Variants in PHF21B observed in about 807,000 individuals in gnomAD.
PHF21B encodes the protein PHD finger protein 21B.
A neutral mutation model predicts 62.2 loss-of-function variants in PHF21B; 22 were observed. The observed-to-expected ratio is 0.35, with a 90% CI of 0.25 to 0.51. PHF21B has a LOEUF of 0.51. Ranked by LOEUF, PHF21B falls within the 20% of genes least tolerant of loss-of-function variation. PHF21B has a pLI of 0.97. For missense variants in PHF21B, 701 were observed against 707.9 expected (o/e 0.99, Z 0.11); for synonymous variants, 341 against 314.7 (o/e 1.08, Z -0.88).
chr22:44,951,538 C>T (rs2072194271), intron 2 of PHF21B, among the ~76,000 whole-genome samples: 1 of 152,238 alleles, frequency 6.6e-6, no homozygotes, highest in Non-Finnish European at 1.5e-5. Flanking sequence ...AAAGGGATCA[C>T]ACAGTTTGCA....
intron 2 of PHF21B, among the ~76,000 whole-genome samples, chr22:44,998,492 C>T (rs1027282891): frequency 2.0e-5 from 3 of 152,170 alleles, no homozygotes; most frequent in Non-Finnish European, 4.4e-5. Flanking sequence ...GCCTCAGTTT[C>T]CCTCGGGTAA....
chr22:44,960,854 C>G (rs1394769922), intron 2 of PHF21B, among the ~76,000 whole-genome samples: 1 of 151,904 alleles, frequency 6.6e-6, no homozygotes, highest in Non-Finnish European at 1.5e-5. Flanking sequence ...CTCCAGCCTC[C>G]TTTTGGACTG....
chr22:44,975,045 A>G (rs1475562471), intron 2 of PHF21B, among the ~76,000 whole-genome samples: 16 of 152,160 alleles, frequency 1.1e-4, no homozygotes. Flanking sequence ...ATGGAGCCAC[A>G]GCCTGTCCTG....
intron 4 of PHF21B, among the ~76,000 whole-genome samples, chr22:44,915,626 A>G (rs963529165): frequency 6.6e-6 from 1 of 152,226 alleles, no homozygotes; most frequent in Non-Finnish European, 1.5e-5. Context: ...TCGGCCGTCA[A>G]CATCCAGGCT....
intron 12 of PHF21B, among the ~76,000 whole-genome samples, chr22:44,883,852 A>G (rs2070780869): frequency 6.6e-6 from 1 of 152,098 alleles, no homozygotes; most frequent in Non-Finnish European, 1.5e-5. Context: ...GACAATCACA[A>G]AGCCTCTTCA....
intron 2 of PHF21B, among the ~76,000 whole-genome samples, chr22:44,995,245 C>A (rs1861342450): frequency 1.3e-5 from 2 of 152,162 alleles, no homozygotes; most frequent in Non-Finnish European, 1.5e-5. Flanking sequence ...ACACTTTCAA[C>A]CAAGCTGCCA....
chr22:44,971,292 A>G (rs2072632653), intron 2 of PHF21B: 1 of 152,036 alleles, frequency 6.6e-6, no homozygotes, highest in Non-Finnish European at 1.5e-5. Flanking sequence ...CTCACCTGAC[A>G]AGGTATCTTT....
At position 44,958,243 on chromosome 22, in the gene PHF21B, T is replaced by C. The variant is rs149137358; in HGVS notation, c.121-37753A>G. ...TTGAGTGCACGACTCTGCTGGCTTC[T>C]GGCATCCGGGCCTGCTGCCTCCCTG... On this transcript the variant is annotated intron_variant, in intron 2 of 12. Transcript: ENST00000313237. Among the ~76,000 whole-genome samples the C allele has an allele frequency of 3.6e-3, 545 of 152,118 alleles. 3 individuals carry two copies. The highest frequency in any genetic ancestry group is 0.013 in the African/African-American group (527 of 41,490).
intron 2 of PHF21B, among the ~76,000 whole-genome samples, chr22:44,972,655 C>T (rs1344169178): frequency 6.6e-6 from 1 of 152,220 alleles, no homozygotes; most frequent in Non-Finnish European, 1.5e-5. Flanking sequence ...CAGAAGCGGA[C>T]ATCGTGTGGG....
At chr22:44,907,992 C>T (rs898124315) in intron 5 of PHF21B, among the ~76,000 whole-genome samples, 14 of 152,248 alleles carry the variant, frequency 9.2e-5, no homozygotes, top group East Asian at 1.9e-4. Flanking sequence ...GCTGGTAATG[C>T]GGCCCCTTTC....
intron 2 of PHF21B, among the ~76,000 whole-genome samples, chr22:44,920,870 T>A (rs1266499385): frequency 6.6e-6 from 1 of 152,236 alleles, no homozygotes; most frequent in African/African-American, 2.4e-5. Context: ...GGATCTTCCA[T>A]TCAGCAGACA....
chr22:44,905,185 T>G (rs1203700895), intron 5 of PHF21B, among the ~76,000 whole-genome samples: 1 of 152,204 alleles, frequency 6.6e-6, no homozygotes, highest in East Asian at 1.9e-4. Context: ...CCCCATGAGG[T>G]GAAAGCGAGG....
intron 6 of PHF21B, among the ~76,000 whole-genome samples, chr22:44,895,437 T>A (rs1220499400): frequency 6.6e-6 from 1 of 152,148 alleles, no homozygotes; most frequent in African/African-American, 2.4e-5. Context: ...TCAAATAAAC[T>A]ACTGTTCCAA....
chr22:44,944,728 G>A (rs1450649770), intron 2 of PHF21B, among the ~76,000 whole-genome samples: 1 of 152,228 alleles, frequency 6.6e-6, no homozygotes, highest in Non-Finnish European at 1.5e-5. Flanking sequence ...CATCCCCAGA[G>A]CCAGGAAGAA....
chr22:44,912,362 T>C (rs747915343), intron 5 of PHF21B, among the ~76,000 whole-genome samples: 36 of 152,296 alleles, frequency 2.4e-4, no homozygotes, highest in Admixed American at 5.9e-4. Flanking sequence ...ATGATATGGT[T>C]TGGCTGTGTC....
At chr22:44,966,510 G>A (rs2072528887) in intron 2 of PHF21B, among the ~76,000 whole-genome samples, 1 of 152,128 alleles carries the variant, frequency 6.6e-6, no homozygotes, top group Non-Finnish European at 1.5e-5. Flanking sequence ...AGATGCAAGA[G>A]ACCAAGCCCC....
chr22:44,917,089 TG>T (rs1168517999), intron 3 of PHF21B, among the ~76,000 whole-genome samples: 1 of 152,162 alleles, frequency 6.6e-6, no homozygotes, highest in Non-Finnish European at 1.5e-5. Flanking sequence ...TCAGTCTGGG[TG>T]GGGGCTGCTG....
At chr22:44,985,505 G>C (rs2072929047) in intron 2 of PHF21B, among the ~76,000 whole-genome samples, 1 of 152,074 alleles carries the variant, frequency 6.6e-6, no homozygotes, top group African/African-American at 2.4e-5. Flanking sequence ...GGCTGAACCA[G>C]GAGGATCGCT....
intron 2 of PHF21B, among the ~76,000 whole-genome samples, chr22:44,977,050 G>A (rs2072750203): frequency 6.6e-6 from 1 of 152,028 alleles, no homozygotes; most frequent in South Asian, 2.1e-4. Flanking sequence ...GGCCCGAGAG[G>A]GTGAGGCTGC....
Sources: gnomAD v4.1 joint callset for allele counts (sites outside exome capture counted in the v4.1 genomes callset) on GRCh38, gnomAD v4.1.1 for gene constraint, MANE v1.5 for transcripts, NCBI Gene and HGNC (gene_info 2026-07-23, HGNC 2026-07-21) for gene names.